Variants in WWOX observed in about 807,000 individuals in gnomAD.
WWOX encodes WW domain-containing oxidoreductase.
Under a neutral mutation model 46.2 loss-of-function variants are expected in WWOX, and 69 were observed. The observed-to-expected ratio is 1.49, with a 90% confidence interval of 1.23 to 1.82. The LOEUF is 1.82. Ranked by LOEUF, WWOX falls within the 40% of genes most tolerant of loss-of-function variation. The probability of loss-of-function intolerance (pLI) is 0.00; values close to 1 mark genes in which losing one functional copy is unlikely to be tolerated. For missense variants in WWOX, 919 were observed against 542.6 expected, an observed-to-expected ratio of 1.69 and a Z score of -6.89; for synonymous variants, 359 against 202.6, an observed-to-expected ratio of 1.77 and a Z score of -6.56.
chr16:79,006,449 C>T (rs967232805), intron 8 of WWOX, among the ~76,000 whole-genome samples: 8 of 151,732 alleles, frequency 5.3e-5, no homozygotes, highest in Non-Finnish European at 1.2e-4. Context: ...GTTTCGGTTT[C>T]TAAGCTGTAG....
intron 8 of WWOX, among the ~76,000 whole-genome samples, chr16:78,648,427 A>G (rs1375676122): frequency 6.6e-6 from 1 of 152,150 alleles, no homozygotes; most frequent in Non-Finnish European, 1.5e-5. Flanking sequence ...TGTAAGGTAA[A>G]CAGTCACTGG....
At chr16:78,930,012 TG>T (rs1383067440) in intron 8 of WWOX, among the ~76,000 whole-genome samples, 1 of 152,068 alleles carries the variant, frequency 6.6e-6, no homozygotes, top group Non-Finnish European at 1.5e-5. Flanking sequence ...TTCTAGCGAA[TG>T]GGGTGGCAGG....
At chr16:78,745,201 C>T (rs923580106) in intron 8 of WWOX, among the ~76,000 whole-genome samples, 1 of 152,172 alleles carries the variant, frequency 6.6e-6, no homozygotes, top group Admixed American at 6.5e-5. Flanking sequence ...CCTGGAAGAA[C>T]TCAGTATTAA....
chr16:79,138,059 A>T (rs1424112), intron 8 of WWOX, among the ~76,000 whole-genome samples: 1 of 152,016 alleles, frequency 6.6e-6, no homozygotes, highest in African/African-American at 2.4e-5. Flanking sequence ...TCTTGTTAAT[A>T]CTGTTCAACC....
intron 8 of WWOX, among the ~76,000 whole-genome samples, chr16:78,470,289 C>G (rs79703443): frequency 0.011 from 1,680 of 152,280 alleles, 20 homozygotes; most frequent in African/African-American, 0.035. Context: ...GGCTAGGAAA[C>G]AGAGCATAAC....
intron 8 of WWOX, among the ~76,000 whole-genome samples, chr16:78,975,178 G>A (rs991566729): frequency 1.3e-5 from 2 of 152,186 alleles, no homozygotes; most frequent in Non-Finnish European, 2.9e-5. Context: ...ACTTAGTTAT[G>A]ACTTAGTGAA....
intron 8 of WWOX, among the ~76,000 whole-genome samples, chr16:78,483,956 G>A (rs113612956): frequency 6.6e-5 from 10 of 152,170 alleles, no homozygotes; most frequent in African/African-American, 9.7e-5. Context: ...TAGTGTGTCT[G>A]TTGAAAGATG....
chr16:78,118,794 A>G (rs2032945377), intron 4 of WWOX, among the ~76,000 whole-genome samples: 1 of 152,192 alleles, frequency 6.6e-6, no homozygotes, highest in African/African-American at 2.4e-5. Flanking sequence ...ATTTAGGCAA[A>G]TGGAATGCCC....
intron 8 of WWOX, among the ~76,000 whole-genome samples, chr16:78,515,650 T>C (rs78232122): frequency 0.044 from 6,737 of 152,260 alleles, 186 homozygotes; most frequent in Non-Finnish European, 0.066. Flanking sequence ...CCGTCAGCTT[T>C]CTTGCCGGCC....
chr16:78,255,410 A>T (rs1047261959), intron 5 of WWOX, among the ~76,000 whole-genome samples: 7 of 152,246 alleles, frequency 4.6e-5, no homozygotes, highest in African/African-American at 1.7e-4. Flanking sequence ...AGAAATGTAA[A>T]TTCCGCTGGA....
intron 8 of WWOX, among the ~76,000 whole-genome samples, chr16:78,690,332 C>T (rs755459111): frequency 2.0e-5 from 3 of 152,096 alleles, no homozygotes; most frequent in Non-Finnish European, 4.4e-5. Context: ...AGAACGATTG[C>T]TTGAGCTGAA....
At chr16:78,612,361 T>G (rs919937544) in intron 8 of WWOX, among the ~76,000 whole-genome samples, 4 of 152,240 alleles carry the variant, frequency 2.6e-5, no homozygotes, top group Non-Finnish European at 5.9e-5. Context: ...GGTCATCCTA[T>G]GAAGGAGGGC....
intron 8 of WWOX, among the ~76,000 whole-genome samples, chr16:79,169,878 T>A (rs1206784056): frequency 1.3e-5 from 2 of 152,192 alleles, no homozygotes; most frequent in African/African-American, 2.4e-5. Flanking sequence ...TACAGCGGGC[T>A]TGATGGGCCC....
At chr16:78,856,154 G>C (rs747897299) in intron 8 of WWOX, among the ~76,000 whole-genome samples, 2 of 152,154 alleles carry the variant, frequency 1.3e-5, no homozygotes, top group African/African-American at 2.4e-5. Context: ...GAGTCAGTCT[G>C]GTCCCTAGAA....
chr16:79,023,546 G>A (rs373404267), intron 8 of WWOX, among the ~76,000 whole-genome samples: 8 of 152,138 alleles, frequency 5.3e-5, no homozygotes, highest in African/African-American at 1.9e-4. Context: ...GTCTGAAGAG[G>A]ACAGTGACCA....
chr16:78,512,845 G>A (rs1168819260), intron 8 of WWOX, among the ~76,000 whole-genome samples: 3 of 152,288 alleles, frequency 2.0e-5, no homozygotes, highest in Non-Finnish European at 2.9e-5. Context: ...CTTTGCTTCC[G>A]AATGCAGCCC....
intron 8 of WWOX, among the ~76,000 whole-genome samples, chr16:78,861,850 C>T (rs963229036): frequency 6.6e-6 from 1 of 152,140 alleles, no homozygotes; most frequent in African/African-American, 2.4e-5. Flanking sequence ...ACCATGTTTC[C>T]AGGCCTCTAA....
rs188332948 is a variant in WWOX at position 78,134,719 on chromosome 16, A to G, written c.409+19565A>G. 5.3e-5 allele frequency among the ~76,000 whole-genome samples: 8 copies of G among 152,314 alleles called. No individual in the cohort carries two copies. In the East Asian group the frequency reaches 1.4e-3, roughly 26 times the overall value. On this transcript the variant is annotated intron_variant, in intron 4 of 8. Transcript: ENST00000566780. ...ACAATATTTGGCCAAACTTGGGATC[A>G]TTTAGGTGTTGTTTGCAATTAATGG...
intron 8 of WWOX, among the ~76,000 whole-genome samples, chr16:79,005,396 T>G (rs1405284746): frequency 6.6e-6 from 1 of 152,172 alleles, no homozygotes; most frequent in African/African-American, 2.4e-5. Context: ...CATAGCACAT[T>G]CGTTTCTTAG....
Sources: allele counts gnomAD v4.1 joint callset (sites outside exome capture counted in the v4.1 genomes callset), GRCh38; gene constraint gnomAD v4.1.1; transcripts MANE v1.5; gene names NCBI Gene and HGNC (gene_info 2026-07-23, HGNC 2026-07-21).